CRYBG1: variants seen among roughly 807,000 people sequenced by gnomAD.
CRYBG1 encodes the protein crystallin beta-gamma domain containing 1.
A neutral mutation model predicts 189.2 loss-of-function variants in CRYBG1; 139 were observed. The ratio of observed to expected loss-of-function variants is 0.73; its 90% CI spans 0.64 to 0.85. CRYBG1 has a LOEUF of 0.85. Ranked by LOEUF, CRYBG1 falls within the 40% of genes least tolerant of loss-of-function variation. The probability of loss-of-function intolerance (pLI) is 0.00; values close to 1 mark genes in which losing one functional copy is unlikely to be tolerated. For synonymous variants in CRYBG1, 1,023 were observed against 1,017.1 expected (o/e 1.01, Z -0.11); for missense variants, 2,611 against 2,675.8 (o/e 0.98, Z 0.53).
intron 3 of CRYBG1, among the ~76,000 whole-genome samples, 155 bp from the exon 4 acceptor site, chr6:106,518,976 C>CACACACACAT (rs1364097246): frequency 2.6e-4 from 3 of 11,596 alleles, no homozygotes; most frequent in Non-Finnish European, 5.9e-4. Context: ...CATGTGTGCG[C>CACACACACAT]ACACACACAC....
At chr6:106,451,905 T>C in intron 2 of CRYBG1, 73 bp downstream of exon 2, 1 of 1,340,522 alleles carries the variant, frequency 7.5e-7, no homozygotes, top group East Asian at 2.6e-5. Flanking sequence ...TAAGATAGCC[T>C]GTCTAAGAAA....
At chr6:106,461,893 A>T (rs576626035) in intron 2 of CRYBG1, among the ~76,000 whole-genome samples, 1 of 152,252 alleles carries the variant, frequency 6.6e-6, no homozygotes, top group African/African-American at 2.4e-5. Context: ...TGACTCCTGG[A>T]ATCGACATGA....
rs1267331415 is a variant in CRYBG1 at position 106,511,978 on chromosome 6, G to A, written c.861G>A (p.Gln287=). 1 of 1,530,038 alleles carries A rather than the reference G, an allele frequency of 6.5e-7. No individual in the cohort carries two copies. Among genetic ancestry groups the A allele is most frequent in the Non-Finnish European group, 8.7e-7 (1 of 1,143,388 alleles). 94.8% of individuals were successfully genotyped at this position (1,530,038 alleles called of 1,614,324 possible). The change falls in exon 3 of 22, where the codon CAG becomes CAA. Residue 287 remains glutamine, a synonymous_variant. Coordinates refer to ENST00000633556, the MANE Select transcript of CRYBG1 (RefSeq NM_001371242.2). ...EDASPGAGHE[Q]EAFLGVRGAP... ...CTTCACCAGGTGCTGGCCACGAACAGGAGGCTTTCCTGGGTGTGAGGGGTG... is the reference window on the plus strand; with the variant it reads ...CTTCACCAGGTGCTGGCCACGAACAAGAGGCTTTCCTGGGTGTGAGGGGTG...
chr6:106,491,156 A>G (rs905331484), intron 2 of CRYBG1, among the ~76,000 whole-genome samples: 1 of 152,204 alleles, frequency 6.6e-6, no homozygotes, highest in African/African-American at 2.4e-5. Context: ...AAGTCGTGTC[A>G]GAGCAGTTAT....
chr6:106,375,419 AAG>A (rs1333328692), intron 1 of CRYBG1, among the ~76,000 whole-genome samples: 50 of 116,352 alleles, frequency 4.3e-4, no homozygotes, highest in Admixed American at 1.8e-3. Flanking sequence ...GTAAGTAAGT[AAG>A]TAAATAAATA....
At chr6:106,562,453 A>G (rs1774747853) in intron 20 of CRYBG1, among the ~76,000 whole-genome samples, 1 of 151,688 alleles carries the variant, frequency 6.6e-6, no homozygotes, top group South Asian at 2.1e-4. Flanking sequence ...AAAGTCTCCT[A>G]GATTATCACA....
Position 106,571,955 on chromosome 6 carries a change from A to G in CRYBG1, c.*3389A>G. 6.6e-7 allele frequency: 1 copy of G among 1,508,856 alleles called. No individual in the cohort carries two copies. The highest frequency in any genetic ancestry group is 1.4e-5 in the African/African-American group (1 of 72,488). 93.5% of individuals were successfully genotyped at this position (1,508,856 alleles called of 1,614,324 possible). ...AAAAAATTTGGGCTCACAGGCACTC[A>G]CCAAATAAGAACGTCAACAATCACT... On this transcript the variant is annotated 3_prime_UTR_variant, in exon 22 of 22. Coordinates refer to ENST00000633556, the MANE Select transcript of CRYBG1 (RefSeq NM_001371242.2).
chr6:106,508,102 G>C (rs1773169555), intron 2 of CRYBG1, among the ~76,000 whole-genome samples: 1 of 152,168 alleles, frequency 6.6e-6, no homozygotes, highest in Non-Finnish European at 1.5e-5. Flanking sequence ...AATTAGCTGG[G>C]CATGGTGGCA....
At chr6:106,550,746 A>C (rs1774379223) in intron 13 of CRYBG1, among the ~76,000 whole-genome samples, 1 of 152,168 alleles carries the variant, frequency 6.6e-6, no homozygotes, top group African/African-American at 2.4e-5. Context: ...GCTTCCTAAG[A>C]TCTTTCTGCA....
chr6:106,512,342 A>C lies in CRYBG1; in HGVS notation c.1225A>C (p.Met409Leu). The change falls in exon 3 of 22, where the codon ATG becomes CTG. Residue 409 changes from methionine (M) to leucine (L), a missense_variant. Met to Leu is a conservative substitution (Grantham distance 15). Transcript: ENST00000633556. ...GGAAGATTGCGGTGACTGGGACGAC[A>C]TGGAGAAGAGGTCCAGCGGCCGTAG... ...RAEDCGDWDD[M>L]EKRSSGRRSG... The C allele has an allele frequency of 6.2e-7, 1 of 1,610,896 alleles. No individual in the cohort carries two copies. The highest frequency in any genetic ancestry group is 8.5e-7 in the Non-Finnish European group (1 of 1,179,290).
In CRYBG1 at chr6:106,560,941, T is replaced by C; in HGVS notation, c.5979+15T>C. 6.3e-7 allele frequency: 1 copy of C among 1,590,676 alleles called. No individual in the cohort carries two copies. Among genetic ancestry groups the C allele is most frequent in the South Asian group, 1.1e-5 (1 of 87,450 alleles). On this transcript the variant is annotated intron_variant, in intron 19 of 21. Coordinates refer to ENST00000633556, the MANE Select transcript of CRYBG1 (RefSeq NM_001371242.2). ...CTTTTGTTCAGGTATTTTCTTCCTCTCCATGCTCTGCATAGACTCTTCTCT... is the reference window on the plus strand; with the variant it reads ...CTTTTGTTCAGGTATTTTCTTCCTCCCCATGCTCTGCATAGACTCTTCTCT...
At position 106,443,527 on chromosome 6, in the gene CRYBG1, G is replaced by A. The variant is rs891021761; in HGVS notation, c.174-8167G>A. Among the ~76,000 whole-genome samples, 3 of 152,132 alleles carry A rather than the reference G, an allele frequency of 2.0e-5. No homozygotes were observed. The South Asian group carries it at 6.2e-4, about 32-fold the overall frequency. On this transcript the variant is annotated intron_variant, in intron 1 of 21. Coordinates refer to ENST00000633556, the MANE Select transcript of CRYBG1 (RefSeq NM_001371242.2). ...GCATCCCTGCAATAGGTCCAACCAAGAGTTCTACGTGGCTGCATCTTATAG... is the reference window on the plus strand; with the variant it reads ...GCATCCCTGCAATAGGTCCAACCAAAAGTTCTACGTGGCTGCATCTTATAG...
chr6:106,432,378 T>A (rs967868), intron 1 of CRYBG1, among the ~76,000 whole-genome samples: 113,332 of 152,030 alleles, frequency 0.75, 43,293 homozygotes, highest in African/African-American at 0.91. Flanking sequence ...ATTGTACTTC[T>A]AACCTGCTCT....
At chr6:106,516,431 AC>A (rs568067298) in intron 3 of CRYBG1, among the ~76,000 whole-genome samples, 131 of 151,834 alleles carry the variant, frequency 8.6e-4, no homozygotes, top group African/African-American at 2.9e-3. Flanking sequence ...ACAGGGTTTC[AC>A]CATGTTGGCC....
At chr6:106,452,338 G>A (rs1771800684) in intron 2 of CRYBG1, among the ~76,000 whole-genome samples, 4 of 149,372 alleles carry the variant, frequency 2.7e-5, no homozygotes, top group Admixed American at 1.3e-4. Context: ...CAGGAGAATC[G>A]CTTAAACCCA....
At chr6:106,458,261 G>A (rs1246109376) in intron 2 of CRYBG1, among the ~76,000 whole-genome samples, 1 of 152,138 alleles carries the variant, frequency 6.6e-6, no homozygotes, top group Non-Finnish European at 1.5e-5. Flanking sequence ...GGCTACTGTT[G>A]TTTCCAAGTT....
intron 2 of CRYBG1, among the ~76,000 whole-genome samples, chr6:106,476,387 T>C (rs1411272153): frequency 6.6e-6 from 1 of 152,188 alleles, no homozygotes; most frequent in Non-Finnish European, 1.5e-5. Context: ...GGAGATTAAA[T>C]TCTATAAACG....
At chr6:106,383,018 T>C (rs1057306094) in intron 1 of CRYBG1, among the ~76,000 whole-genome samples, 3 of 152,244 alleles carry the variant, frequency 2.0e-5, no homozygotes, top group African/African-American at 7.2e-5. Flanking sequence ...TGTGTCTCTA[T>C]ATCCACAAAA....
chr6:106,555,962 A>C (rs1713463060), intron 17 of CRYBG1, 65 bp downstream of exon 17: 1 of 1,585,210 alleles, frequency 6.3e-7, no homozygotes, highest in Admixed American at 1.7e-5. Context: ...GGTCAGAGTG[A>C]GGTAACCAGC....
Sources: gnomAD v4.1 joint callset for allele counts (sites outside exome capture counted in the v4.1 genomes callset) on GRCh38, gnomAD v4.1.1 for gene constraint, MANE v1.5 for transcripts, NCBI Gene and HGNC (gene_info 2026-07-23, HGNC 2026-07-21) for gene names.